The following ATP8A2 variants were observed in gnomAD, a reference collection of about 807,000 sequenced individuals.
ATP8A2 encodes phospholipid-transporting ATPase IB.
ATP8A2 carries 100 observed loss-of-function variants against 165.6 expected under a neutral mutation model. The ratio of observed to expected loss-of-function variants is 0.60; its 90% confidence interval spans 0.51 to 0.71. The LOEUF (loss-of-function observed/expected upper bound fraction) is 0.71. Among genes scored for constraint, ATP8A2 ranks in the 30% least tolerant of loss-of-function variants. The probability of loss-of-function intolerance (pLI) is 0.00; values close to 1 mark genes in which losing one functional copy is unlikely to be tolerated. For missense variants in ATP8A2, 1,227 were observed against 1,479.5 expected (o/e 0.83, Z 2.80); for synonymous variants, 543 against 548.8 (o/e 0.99, Z 0.15).
intron 27 of ATP8A2, among the ~76,000 whole-genome samples, chr13:25,818,914 A>G (rs1951092229): frequency 6.6e-6 from 1 of 152,240 alleles, no homozygotes; most frequent in Non-Finnish European, 1.5e-5. Flanking sequence ...TCGAAGAGAA[A>G]AATGAGTGCG....
At chr13:25,968,465 G>C in intron 34 of ATP8A2, 110 bp from the exon 35 acceptor site, 1 of 890,670 alleles carries the variant, frequency 1.1e-6, no homozygotes, top group Non-Finnish European at 1.8e-6. Context: ...CCCGAGCCTC[G>C]GCCTCCACCA....
chr13:25,905,569 G>A (rs1953913865), intron 33 of ATP8A2, among the ~76,000 whole-genome samples: 1 of 152,170 alleles, frequency 6.6e-6, no homozygotes, highest in Non-Finnish European at 1.5e-5. Context: ...AGCGGTTGGT[G>A]CGTGTTGAGT....
intron 13 of ATP8A2, 33 bp from the exon 14 acceptor site, chr13:25,558,939 TC>T: frequency 1.4e-6 from 2 of 1,412,528 alleles, no homozygotes; most frequent in South Asian, 2.4e-5. Context: ...TCTCAATACT[TC>T]CTGATGTATA....
At chr13:25,836,876 A>G (rs894491715) in intron 28 of ATP8A2, among the ~76,000 whole-genome samples, 8 of 152,256 alleles carry the variant, frequency 5.3e-5, no homozygotes, top group African/African-American at 1.9e-4. Context: ...ATGATTCCAC[A>G]TCAGTCTTCG....
Position 25,533,308 on chromosome 13 carries a change from A to C in ATP8A2, c.502A>C (p.Lys168Gln). 6.7e-7 allele frequency: 1 copy of C among 1,501,234 alleles called. No homozygotes were observed. The highest frequency in any genetic ancestry group is 1.4e-5 in the African/African-American group (1 of 72,512). 93.0% of individuals were successfully genotyped at this position (1,501,234 alleles called of 1,614,324 possible). ...RNGMWHTIMW[K>Q]EVAVGDIVKV... ...TGGTATGTGGCATACCATTATGTGG[A>C]AAGAGGTAAAAACTAATTTTAAAGA... The change falls in exon 6 of 37, where the codon AAA becomes CAA. Residue 168 changes from lysine to glutamine, a missense_variant. This residue lies in a region of ATP8A2 where 356 missense variants were observed against 394.9 expected (regional missense o/e 0.90). Coordinates refer to ENST00000381655, the MANE Select transcript of ATP8A2 (RefSeq NM_016529.6).
chr13:25,762,297 G>C (rs867861205), intron 25 of ATP8A2, among the ~76,000 whole-genome samples: 2 of 20,650 alleles, frequency 9.7e-5, no homozygotes, highest in African/African-American at 1.3e-4. Flanking sequence ...AAAAAAAAAA[G>C]CTGTCCCAGA....
chr13:25,616,834 A>G (rs750003474), intron 24 of ATP8A2, among the ~76,000 whole-genome samples: 1 of 152,174 alleles, frequency 6.6e-6, no homozygotes, highest in African/African-American at 2.4e-5. Context: ...GTCACAGGGT[A>G]CAAAGTGTTG....
At chr13:25,531,227 TTATATATGA>T (rs1240358582) in intron 4 of ATP8A2, among the ~76,000 whole-genome samples, 24 of 111,748 alleles carry the variant, frequency 2.1e-4, no homozygotes, top group African/African-American at 4.3e-4. Flanking sequence ...ATGATATATG[TTATATATGA>T]TATATATGTT....
At chr13:25,720,709 C>T (rs1000373074) in intron 25 of ATP8A2, among the ~76,000 whole-genome samples, 3 of 152,182 alleles carry the variant, frequency 2.0e-5, no homozygotes, top group Non-Finnish European at 2.9e-5. Context: ...TCTCCTCATC[C>T]TCGTCCCCTT....
chr13:25,915,228 T>C (rs967926359), intron 33 of ATP8A2, among the ~76,000 whole-genome samples: 3 of 152,248 alleles, frequency 2.0e-5, no homozygotes, highest in African/African-American at 7.2e-5. Flanking sequence ...CCCACGCTAG[T>C]GGAGCATCTG....
intron 1 of ATP8A2, among the ~76,000 whole-genome samples, chr13:25,387,425 TA>T (rs1052606887): frequency 1.3e-5 from 2 of 152,140 alleles, no homozygotes; most frequent in Admixed American, 1.3e-4. Flanking sequence ...ACATTCTAAC[TA>T]TTTCGGGTGT....
chr13:25,793,104 T>G (rs1190073206), intron 27 of ATP8A2, among the ~76,000 whole-genome samples: 1 of 152,142 alleles, frequency 6.6e-6, no homozygotes, highest in East Asian at 1.9e-4. Context: ...TTTCCCACAC[T>G]GACTGTAAAA....
At chr13:25,540,464 G>T in intron 8 of ATP8A2, 76 bp downstream of exon 8, 1 of 1,085,900 alleles carries the variant, frequency 9.2e-7, no homozygotes, top group Non-Finnish European at 1.4e-6. Flanking sequence ...TCTTTTTCTA[G>T]AGAAATAAAA....
At chr13:25,917,496 A>T (rs1322227870) in intron 33 of ATP8A2, among the ~76,000 whole-genome samples, 2 of 152,264 alleles carry the variant, frequency 1.3e-5, no homozygotes, top group African/African-American at 4.8e-5. Flanking sequence ...CTTATGAAGA[A>T]ATTGAGAAAG....
chr13:25,421,311 T>G (rs1282461806), intron 1 of ATP8A2, among the ~76,000 whole-genome samples: 1 of 152,192 alleles, frequency 6.6e-6, no homozygotes, highest in African/African-American at 2.4e-5. Context: ...TTAAACGTGT[T>G]TCTCTAAAAC....
chr13:25,558,958 T>C lies in ATP8A2; in HGVS notation c.1264-15T>C. 6.5e-7 allele frequency: 1 copy of C among 1,550,200 alleles called. No individual in the cohort carries two copies. The highest frequency in any genetic ancestry group is 1.2e-5 in the South Asian group (1 of 86,400). ...AATACTTCCTGATGTATATTTCTTT[T>C]ATTCTTTGGTTTAGGTGAAATATCT... On this transcript the variant is annotated splice_polypyrimidine_tract_variant and intron_variant, in intron 13 of 36. Transcript: ENST00000381655.
At position 25,961,640 on chromosome 13, in the gene ATP8A2, G is replaced by C. The variant is rs1380296757; in HGVS notation, c.3249G>C (p.Leu1083Phe). 5 of 1,613,844 alleles carry C rather than the reference G, an allele frequency of 3.1e-6. No homozygotes were observed. Among genetic ancestry groups the C allele is most frequent in the Non-Finnish European group, 4.2e-6 (5 of 1,179,782 alleles). ...LGLFLVPTAC[L>F]IEDVAWRAAK... ...TATTTCTGGTTCCTACTGCCTGTTT[G>C]ATTGAAGATGTGGCATGGAGAGCGT... The change falls in exon 34 of 37, where the codon TTG becomes TTC. Residue 1083 changes from leucine to phenylalanine, a missense_variant. Coordinates refer to ENST00000381655, the MANE Select transcript of ATP8A2 (RefSeq NM_016529.6).
intron 27 of ATP8A2, among the ~76,000 whole-genome samples, chr13:25,793,782 G>A (rs764718553): frequency 6.6e-6 from 1 of 152,106 alleles, no homozygotes; most frequent in Non-Finnish European, 1.5e-5. Flanking sequence ...GAAGGCCACT[G>A]GTATGAGCTT....
Position 25,468,658 on chromosome 13 carries a change from G to A in ATP8A2, c.77-319G>A, listed in dbSNP as rs533694989. ...CCCACCCCGGCCCGACAAGCAGCTT[G>A]GGCGTCCAGCCCGGCCCGGTCCCTG... is the stretch of plus-strand genomic sequence containing the variant. On this transcript the variant is annotated intron_variant, in intron 1 of 36. Coordinates refer to ENST00000381655, the MANE Select transcript of ATP8A2 (RefSeq NM_016529.6). Among the ~76,000 whole-genome samples the A allele has an allele frequency of 2.0e-5, 3 of 152,176 alleles. No individual in the cohort carries two copies. In the East Asian group the frequency reaches 5.8e-4, roughly 30 times the overall value.
Sources: gnomAD v4.1 joint callset for allele counts (sites outside exome capture counted in the v4.1 genomes callset) on GRCh38, gnomAD v4.1.1 for gene constraint, gnomAD v4.1.1 regional missense constraint, MANE v1.5 for transcripts, NCBI Gene and HGNC (gene_info 2026-07-23, HGNC 2026-07-21) for gene names.